The following ENAH variants were observed in gnomAD, a reference collection of about 807,000 sequenced individuals.
ENAH encodes the protein protein enabled homolog.
A neutral mutation model predicts 78.7 loss-of-function variants in ENAH; 23 were observed. The observed-to-expected ratio is 0.29, with a 90% CI of 0.21 to 0.41. The LOEUF (loss-of-function observed/expected upper bound fraction) is 0.41, where lower values mean the gene tolerates loss of function less well. Ranked by LOEUF, ENAH falls within the 10% of genes least tolerant of loss-of-function variation. ENAH has a pLI of 1.00. For synonymous variants in ENAH, 226 were observed against 241.0 expected, an observed-to-expected ratio of 0.94 and a Z score of 0.58; for missense variants, 544 against 691.0, an observed-to-expected ratio of 0.79 and a Z score of 2.39.
At chr1:225,578,758 G>A (rs1457718115) in intron 1 of ENAH, among the ~76,000 whole-genome samples, 1 of 149,018 alleles carries the variant, frequency 6.7e-6, no homozygotes, top group African/African-American at 2.4e-5. Flanking sequence ...TTTAACTGTA[G>A]GCACAAAAAA....
chr1:225,608,189 A>T (rs2096966377), intron 1 of ENAH, among the ~76,000 whole-genome samples: 1 of 150,222 alleles, frequency 6.7e-6, no homozygotes, highest in African/African-American at 2.4e-5. Flanking sequence ...GAAACTTTAA[A>T]TCCAATAAAG....
chr1:225,564,692 G>A (rs1558823682), intron 2 of ENAH, among the ~76,000 whole-genome samples: 2 of 151,788 alleles, frequency 1.3e-5, no homozygotes, highest in Admixed American at 1.3e-4. Flanking sequence ...CTGCCTTGGC[G>A]TCCCAAAAAG....
chr1:225,608,297 A>G (rs1005553208), intron 1 of ENAH, among the ~76,000 whole-genome samples: 1 of 151,642 alleles, frequency 6.6e-6, no homozygotes, highest in Non-Finnish European at 1.5e-5. Context: ...AAACCCCCTA[A>G]CAAGGAGTTC....
rs190929415 is a variant in ENAH, at chr1:225,618,250, T to C, written c.5+34436A>G. The stretch of plus-strand genomic sequence containing the variant: ...ATTCCCTGAAAGCAATCAGCCTTAC[T>C]AGCAATCAACTTTTCCAAAAACTGG... On this transcript the variant is annotated intron_variant, in intron 1 of 13. Transcript: ENST00000366843. 8.1e-4 allele frequency among the ~76,000 whole-genome samples: 124 copies of C among 152,278 alleles called. 1 individual carries two copies. The highest frequency in any genetic ancestry group is 7.1e-3 in the Admixed American group (109 of 15,300).
chr1:225,642,100 C>G (rs1294692936), intron 1 of ENAH, among the ~76,000 whole-genome samples: 1 of 150,834 alleles, frequency 6.6e-6, no homozygotes, highest in African/African-American at 2.4e-5. Flanking sequence ...ACTCAGGAGA[C>G]TGAAATGGGA....
In ENAH at chr1:225,517,217, C is replaced by A. The variant is rs1281093047; in HGVS notation, c.892G>T (p.Ala298Ser). 2.6e-6 allele frequency: 4 copies of A among 1,542,976 alleles called. No individual in the cohort carries two copies. The highest frequency in any genetic ancestry group is 3.5e-6 in the Non-Finnish European group (4 of 1,142,882). The change falls in exon 6 of 14, where the codon GCC becomes TCC. Residue 298 changes from alanine (A) to serine (S), a missense_variant. Physicochemically the swap from Ala to Ser is moderately conservative, Grantham distance 99. Coordinates refer to ENST00000366843, the MANE Select transcript of ENAH (RefSeq NM_018212.6). The stretch of plus-strand genomic sequence containing the variant: ...TTACCCTGTTGGGATGGAGTCTCGG[C>A]CGGCTGAGAGGCTGCCTGCAAGCCT... ...EPGLQAASQP[A>S]ETPSQQGIVL...
chr1:225,550,828 A>G (rs1360002245), intron 3 of ENAH, among the ~76,000 whole-genome samples: 1 of 152,182 alleles, frequency 6.6e-6, no homozygotes, highest in Non-Finnish European at 1.5e-5. Context: ...GGCATGCTTC[A>G]TCTTGGCTGA....
intron 5 of ENAH, among the ~76,000 whole-genome samples, chr1:225,518,330 T>A (rs72753032): frequency 0.087 from 13,299 of 152,074 alleles, 712 homozygotes; most frequent in Non-Finnish European, 0.12. Flanking sequence ...ATCACATGAA[T>A]AGGACCATAA....
At chr1:225,622,582 A>G (rs1256760252) in intron 1 of ENAH, among the ~76,000 whole-genome samples, 1 of 152,196 alleles carries the variant, frequency 6.6e-6, no homozygotes, top group Non-Finnish European at 1.5e-5. Flanking sequence ...GTCCAAGATC[A>G]AATTGCCAAC....
chr1:225,497,939 C>A (rs2096258226), intron 13 of ENAH, 127 bp from the exon 14 acceptor site: 2 of 691,920 alleles, frequency 2.9e-6, no homozygotes, highest in South Asian at 3.8e-5. Context: ...AACTTTGCAT[C>A]TTTCATTGCA....
At chr1:225,498,481 G>C (rs971527256) in intron 12 of ENAH, 77 bp from the exon 13 acceptor site, 58 of 893,946 alleles carry the variant, frequency 6.5e-5, no homozygotes, top group Non-Finnish European at 1.4e-5. Context: ...AAAATTTTAA[G>C]AATGTCATGA....
intron 1 of ENAH, among the ~76,000 whole-genome samples, chr1:225,650,189 T>C (rs141445869): frequency 2.6e-5 from 4 of 152,324 alleles, no homozygotes; most frequent in Non-Finnish European, 5.9e-5. Flanking sequence ...AATAATCCAG[T>C]ACCTTCCAAA....
At chr1:225,582,603 G>A (rs887830991) in intron 1 of ENAH, among the ~76,000 whole-genome samples, 1 of 152,158 alleles carries the variant, frequency 6.6e-6, no homozygotes, top group African/African-American at 2.4e-5. Context: ...GAAATTCCTG[G>A]GAGGAAAATG....
chr1:225,595,905 T>A (rs1490613581), intron 1 of ENAH, among the ~76,000 whole-genome samples: 3 of 152,206 alleles, frequency 2.0e-5, no homozygotes, highest in Admixed American at 6.5e-5. Flanking sequence ...ATTTTAGAAG[T>A]GTCCTCTTTT....
At chr1:225,542,726 T>C (rs540817011) in intron 3 of ENAH, among the ~76,000 whole-genome samples, 2 of 152,240 alleles carry the variant, frequency 1.3e-5, no homozygotes, top group South Asian at 4.1e-4. Flanking sequence ...ATTTACTAAA[T>C]AGAATTAAAG....
intron 1 of ENAH, among the ~76,000 whole-genome samples, chr1:225,644,065 A>G (rs1258492578): frequency 2.0e-5 from 3 of 152,194 alleles, no homozygotes; most frequent in Non-Finnish European, 4.4e-5. Flanking sequence ...TTTATATATA[A>G]TCATATGCAC....
chr1:225,513,843 T>C (rs1331908166), intron 7 of ENAH, among the ~76,000 whole-genome samples: 1 of 151,896 alleles, frequency 6.6e-6, no homozygotes, highest in African/African-American at 2.4e-5. Flanking sequence ...AATACAAAAA[T>C]TAGCTAAGCA....
At chr1:225,616,765 G>A (rs570059721) in intron 1 of ENAH, among the ~76,000 whole-genome samples, 2 of 152,260 alleles carry the variant, frequency 1.3e-5, no homozygotes, top group African/African-American at 4.8e-5. Flanking sequence ...TATGGTTACT[G>A]AGTTTCTACT....
chr1:225,637,092 G>T (rs1466488152), intron 1 of ENAH, among the ~76,000 whole-genome samples: 1 of 152,210 alleles, frequency 6.6e-6, no homozygotes, highest in Non-Finnish European at 1.5e-5. Flanking sequence ...GGGGAGTATT[G>T]AAAGGCACTG....
Sources: allele counts gnomAD v4.1 joint callset (sites outside exome capture counted in the v4.1 genomes callset), GRCh38; gene constraint gnomAD v4.1.1; transcripts MANE v1.5; gene names NCBI Gene and HGNC (gene_info 2026-07-23, HGNC 2026-07-21).